The following ADGRF5 variants were observed in gnomAD, a reference collection of about 807,000 sequenced individuals.
The protein encoded by ADGRF5 is G-protein coupled receptor 116.
A neutral mutation model predicts 132.3 loss-of-function variants in ADGRF5; 75 were observed. The ratio of observed to expected loss-of-function variants is 0.57; its 90% confidence interval spans 0.47 to 0.69. ADGRF5 has a LOEUF of 0.69. Ranked by LOEUF, ADGRF5 falls within the 30% of genes least tolerant of loss-of-function variation. The pLI, the probability that ADGRF5 is intolerant of heterozygous loss-of-function variation, is 0.00. For synonymous variants in ADGRF5, 629 were observed against 597.6 expected, an observed-to-expected ratio of 1.05 and a Z score of -0.77; for missense variants, 1,516 against 1,630.6, an observed-to-expected ratio of 0.93 and a Z score of 1.21.
intron 8 of ADGRF5, among the ~76,000 whole-genome samples, chr6:46,880,499 T>G (rs1041321884): frequency 6.6e-6 from 1 of 152,256 alleles, no homozygotes; most frequent in Middle Eastern, 3.4e-3. Context: ...TAAAAACAAA[T>G]TAATTAATTA....
intron 1 of ADGRF5, among the ~76,000 whole-genome samples, chr6:46,910,527 A>G (rs1775839256): frequency 6.6e-6 from 1 of 152,140 alleles, no homozygotes; most frequent in South Asian, 2.1e-4. Context: ...CTCTGATACT[A>G]TTAAATTACC....
chr6:46,954,673 C>A (rs1447536627), intron 1 of ADGRF5: 1 of 152,200 alleles, frequency 6.6e-6, no homozygotes. Flanking sequence ...AAATGCACAT[C>A]TATTCCAGAG....
intron 20 of ADGRF5, among the ~76,000 whole-genome samples, chr6:46,854,385 G>A (rs1768798707): frequency 6.6e-6 from 1 of 152,206 alleles, no homozygotes; most frequent in African/African-American, 2.4e-5. Flanking sequence ...TGCATGGTCT[G>A]GGAACATCTG....
chr6:46,878,435 T>C, intron 9 of ADGRF5, 30 bp from the exon 10 acceptor site: 1 of 1,278,814 alleles, frequency 7.8e-7, no homozygotes. Flanking sequence ...TCATGTATTA[T>C]TATAACACAT....
chr6:46,917,907 A>G (rs1215099408), intron 1 of ADGRF5, among the ~76,000 whole-genome samples: 2 of 152,268 alleles, frequency 1.3e-5, no homozygotes, highest in Non-Finnish European at 2.9e-5. Context: ...TAATTAAAAC[A>G]AATTCAATCA....
At chr6:46,914,571 A>G (rs1443947660) in intron 1 of ADGRF5, among the ~76,000 whole-genome samples, 2 of 152,166 alleles carry the variant, frequency 1.3e-5, no homozygotes, top group African/African-American at 4.8e-5. Context: ...AATAGGATCA[A>G]GTTTTCCAAA....
At chr6:46,948,068 A>G (rs922986107) in intron 1 of ADGRF5, among the ~76,000 whole-genome samples, 1 of 152,192 alleles carries the variant, frequency 6.6e-6, no homozygotes, top group Non-Finnish European at 1.5e-5. Context: ...AGCCCTGAGC[A>G]TTGCAACTTT....
chr6:46,858,954 G>A lies in ADGRF5; in HGVS notation c.2949C>T (p.Val983=), dbSNP rs540376496. The stretch of plus-strand genomic sequence containing the variant: ...ATGTTAGGTGGTCACAGATACAGGT[G>A]ACATTGTCCCCATCACCTTCTTCTA... The part of the protein sequence containing the change: ...CYVEEGDGDN[V]TCICDHLTSF... Residue 983 remains valine (V), a synonymous_variant, in exon 17 of 21, where the codon GTC becomes GTT. Coordinates refer to ENST00000283296, the MANE Select transcript of ADGRF5 (RefSeq NM_001098518.2). 3.2e-5 allele frequency: 51 copies of A among 1,613,688 alleles called. No homozygotes were observed. The South Asian group carries it at 5.5e-4, about 17-fold the overall frequency.
intron 1 of ADGRF5, among the ~76,000 whole-genome samples, chr6:46,912,297 C>A (rs1341394000): frequency 2.0e-5 from 3 of 151,960 alleles, no homozygotes; most frequent in Non-Finnish European, 2.9e-5. Context: ...TTTATTTGAG[C>A]TGAAACCTAA....
chr6:46,858,748 G>T lies in ADGRF5; in HGVS notation c.3155C>A (p.Thr1052Asn), dbSNP rs1210244337. The change falls in exon 17 of 21, where the codon ACC (threonine) becomes AAC (asparagine). Residue 1052 changes from threonine (T) to asparagine (N), a missense_variant. By Grantham distance (65) the Thr-to-Asn change is moderately conservative (BLOSUM62 0). Around this residue, in one of 2 missense-constraint regions of ADGRF5, gnomAD observed 571 missense variants for 701.2 expected, o/e 0.81. Coordinates refer to ENST00000283296, the MANE Select transcript of ADGRF5 (RefSeq NM_001098518.2). ...GGAGGCAGCGATATTCACTATGCAG[G>T]TGTGGCGCATATAAGAAGTCCGGTT... ...TKNRTSYMRH[T>N]CIVNIAASLL... is the part of the protein sequence containing the mutation. 1.2e-6 allele frequency: 2 copies of T among 1,614,118 alleles called. No individual in the cohort carries two copies. Among genetic ancestry groups the T allele is most frequent in the East Asian group, 2.2e-5 (1 of 44,860 alleles).
At position 46,858,392 on chromosome 6, in the gene ADGRF5, C is replaced by A. The variant is rs1412082119; in HGVS notation, c.3511G>T (p.Ala1171Ser). The change falls in exon 17 of 21, where the codon GCC becomes TCC. Residue 1171 changes from alanine to serine, a missense_variant. Transcript: ENST00000283296. ...GCTGGGATGGCGAAAGCCAGCAGGG[C>A]CTTGGTGTCCTCCCAGTTGAGCCAA... Reference protein sequence around the residue: ...VCWLNWEDTKALLAFAIPALI... With the variant: ...VCWLNWEDTKSLLAFAIPALI... 6.2e-7 allele frequency: 1 copy of A among 1,613,824 alleles called. No individual in the cohort carries two copies. Among genetic ancestry groups the A allele is most frequent in the Non-Finnish European group, 8.5e-7 (1 of 1,179,880 alleles).
chr6:46,951,512 AC>A (rs1225337273), intron 1 of ADGRF5, among the ~76,000 whole-genome samples: 4 of 152,204 alleles, frequency 2.6e-5, no homozygotes, highest in African/African-American at 9.6e-5. Context: ...TGGCTAAGAC[AC>A]AAATCTTTGG....
Position 46,888,419 on chromosome 6 carries a change from C to T in ADGRF5, c.244G>A (p.Ala82Thr). 1.9e-6 allele frequency: 3 copies of T among 1,610,032 alleles called. No individual in the cohort carries two copies. The highest frequency in any genetic ancestry group is 2.6e-6 in the Non-Finnish European group (3 of 1,176,300). The change falls in exon 4 of 21, where the codon GCC becomes ACC. Residue 82 changes from alanine (A) to threonine (T), a missense_variant. Physicochemically the swap from Ala to Thr is moderately conservative, Grantham distance 58. Transcript: ENST00000283296. ...ENASFLDPIK[A>T]YLNSLSFPIH... is the part of the protein sequence containing the mutation. ...GGAAAACTGAGGCTGTTCAAGTAGG[C>T]TTTGATAGGATCCAGGAAGGATGCA...
intron 4 of ADGRF5, among the ~76,000 whole-genome samples, chr6:46,884,814 T>G (rs1459801699): frequency 6.6e-6 from 1 of 152,194 alleles, no homozygotes; most frequent in African/African-American, 2.4e-5. Flanking sequence ...TGAAGACACA[T>G]CATGGAGAGG....
chr6:46,881,564 C>G lies in ADGRF5; in HGVS notation c.705G>C (p.Lys235Asn). The change falls in exon 8 of 21, where the codon AAG (lysine) becomes AAC (asparagine). Residue 235 changes from lysine (K) to asparagine (N), a missense_variant. By Grantham distance (94) the Lys-to-Asn change is moderately conservative (BLOSUM62 0). Around this residue, in one of 2 missense-constraint regions of ADGRF5, gnomAD observed 945 missense variants for 929.4 expected, o/e 1.02. Transcript: ENST00000283296. ...TTAACTCAAGTGATGGTGGTGTAGT[C>G]TTGACTTCATATGTCACAACCACAC... ...SGSVVVTYEV[K>N]TTPPSLELIH... 6.2e-7 allele frequency: 1 copy of G among 1,613,796 alleles called. No individual in the cohort carries two copies. The highest frequency in any genetic ancestry group is 1.7e-5 in the Admixed American group (1 of 60,018).
intron 1 of ADGRF5, among the ~76,000 whole-genome samples, chr6:46,942,327 G>T (rs1277046806): frequency 2.6e-5 from 4 of 152,210 alleles, no homozygotes; most frequent in African/African-American, 9.6e-5. Flanking sequence ...CGCAGTATCT[G>T]GCACAGAGTA....
At chr6:46,923,914 T>C (rs576102039), upstream of ADGRF5, among the ~76,000 whole-genome samples, 29 of 152,236 alleles carry the variant, frequency 1.9e-4, no homozygotes, top group Middle Eastern at 6.8e-3. Context: ...TTCTAAAACG[T>C]TGGTGTTGGT....
intron 1 of ADGRF5, chr6:46,907,865 C>T (rs1258524461): frequency 6.6e-6 from 1 of 152,176 alleles, no homozygotes; most frequent in African/African-American, 2.4e-5. Context: ...AATTCTCTCA[C>T]AGAGTTTTCT....
intron 1 of ADGRF5, among the ~76,000 whole-genome samples, chr6:46,948,475 AGTGTGTGTGTGTGTGTGTGTGT>A (rs3030417): frequency 7.0e-6 from 1 of 143,286 alleles, no homozygotes; most frequent in Non-Finnish European, 1.5e-5. Flanking sequence ...TGCTCTAGTG[AGTGTGTGTGTGTGTGTGTGTGT>A]GTGTGTGTGT....
Sources: gnomAD v4.1 joint callset for allele counts (sites outside exome capture counted in the v4.1 genomes callset) on GRCh38, gnomAD v4.1.1 for gene constraint, gnomAD v4.1.1 regional missense constraint, MANE v1.5 for transcripts, NCBI Gene and HGNC (gene_info 2026-07-23, HGNC 2026-07-21) for gene names.